The following ROBO2 variants were observed in gnomAD, a reference collection of about 807,000 sequenced individuals.
ROBO2 encodes roundabout homolog 2.
In ROBO2, 53 loss-of-function variants were observed where a neutral mutation model predicts 160.8. That is an observed-to-expected ratio of 0.33 (90% CI 0.26 to 0.41). ROBO2 has a LOEUF of 0.41. Ranked by LOEUF, ROBO2 falls within the 10% of genes least tolerant of loss-of-function variation. The pLI is 1.00. For synonymous variants in ROBO2, 664 were observed against 611.7 expected, an observed-to-expected ratio of 1.09 and a Z score of -1.26; for missense variants, 1,577 against 1,722.4, an observed-to-expected ratio of 0.92 and a Z score of 1.49.
intron 1 of ROBO2, among the ~76,000 whole-genome samples, chr3:77,048,195 A>G (rs997284958): frequency 6.6e-6 from 1 of 152,236 alleles, no homozygotes; most frequent in African/African-American, 2.4e-5. Flanking sequence ...GGACTTTGCT[A>G]TCAGACTAAT....
chr3:76,421,913 T>C (rs1331018574), intron 2 of ROBO2, among the ~76,000 whole-genome samples: 2 of 152,200 alleles, frequency 1.3e-5, no homozygotes, highest in African/African-American at 4.8e-5. Context: ...CTTTTATGCT[T>C]TCTTTTTGTC....
chr3:76,056,506 GAA>G (rs1398791330), intron 2 of ROBO2, among the ~76,000 whole-genome samples: 43 of 149,154 alleles, frequency 2.9e-4, no homozygotes, highest in Admixed American at 7.9e-4. Flanking sequence ...AAATAAAATT[GAA>G]GAAAAAAAAC....
intron 2 of ROBO2, among the ~76,000 whole-genome samples, chr3:77,462,554 T>G (rs983633972): frequency 6.6e-6 from 1 of 152,250 alleles, no homozygotes; most frequent in African/African-American, 2.4e-5. Context: ...ACCATGTTTC[T>G]ATACTCTCTT....
rs183919693 is a variant in ROBO2 at position 76,778,689 on chromosome 3, G to T, written c.110-319325G>T. Among the ~76,000 whole-genome samples the T allele has an allele frequency of 5.3e-5, 8 of 151,004 alleles. No individual in the cohort carries two copies. The East Asian group carries it at 1.6e-3, about 30-fold the overall frequency. ...TTTTCCAAAATATTACAATGTATAG[G>T]CAATCTCTTTTTGCATGGTCTGATA... On this transcript the variant is annotated intron_variant, in intron 2 of 26. Transcript: ENST00000487694.
intron 2 of ROBO2, among the ~76,000 whole-genome samples, chr3:77,136,512 A>G (rs2150390070): frequency 7.4e-6 from 1 of 134,522 alleles, no homozygotes; most frequent in African/African-American, 2.8e-5. Flanking sequence ...TTTTTAAGAA[A>G]TAGGGTTTTG....
chr3:77,467,980 G>T (rs2153577607), intron 2 of ROBO2, among the ~76,000 whole-genome samples: 1 of 152,240 alleles, frequency 6.6e-6, no homozygotes, highest in African/African-American at 2.4e-5. Context: ...AACATGTTTA[G>T]GTTAATACTA....
intron 1 of ROBO2, among the ~76,000 whole-genome samples, chr3:75,914,366 A>G (rs1446764128): frequency 6.6e-6 from 1 of 152,214 alleles, no homozygotes; most frequent in African/African-American, 2.4e-5. Context: ...CAAAGCTGCT[A>G]TAATCATTTT....
intron 2 of ROBO2, among the ~76,000 whole-genome samples, chr3:76,912,525 A>G (rs2076054186): frequency 6.6e-6 from 1 of 152,186 alleles, no homozygotes; most frequent in Non-Finnish European, 1.5e-5. Context: ...TATCAACTTT[A>G]TCAGCATGTA....
At chr3:77,122,828 A>G (rs879695168) in intron 2 of ROBO2, among the ~76,000 whole-genome samples, 3 of 152,206 alleles carry the variant, frequency 2.0e-5, no homozygotes, top group Non-Finnish European at 4.4e-5. Flanking sequence ...TCTCTGATAG[A>G]TTCAAAATTG....
At chr3:77,226,266 T>C (rs1401071935) in intron 2 of ROBO2, among the ~76,000 whole-genome samples, 1 of 151,990 alleles carries the variant, frequency 6.6e-6, no homozygotes, top group East Asian at 1.9e-4. Flanking sequence ...GATGACCCTA[T>C]ATGGACCGTT....
At chr3:76,444,746 C>A (rs1471517656) in intron 2 of ROBO2, among the ~76,000 whole-genome samples, 2 of 152,138 alleles carry the variant, frequency 1.3e-5, no homozygotes, top group Non-Finnish European at 2.9e-5. Flanking sequence ...AATGGGGACA[C>A]AAAGCCTAAC....
intron 2 of ROBO2, among the ~76,000 whole-genome samples, chr3:76,097,367 C>T (rs1424351726): frequency 1.3e-5 from 2 of 152,146 alleles, no homozygotes; most frequent in East Asian, 3.9e-4. Context: ...GGGACTGCAG[C>T]AGGGGCTCCT....
chr3:77,517,350 A>C (rs898598344), intron 5 of ROBO2, among the ~76,000 whole-genome samples: 4 of 151,512 alleles, frequency 2.6e-5, no homozygotes, highest in African/African-American at 9.7e-5. Context: ...GGCTTCTTAC[A>C]TTGAACAAGT....
intron 2 of ROBO2, among the ~76,000 whole-genome samples, chr3:76,468,786 C>T (rs948868119): frequency 1.3e-5 from 2 of 152,022 alleles, no homozygotes; most frequent in Non-Finnish European, 2.9e-5. Flanking sequence ...TTTGTCATTC[C>T]GTGCTGGATT....
chr3:77,354,852 T>G (rs569425215), intron 2 of ROBO2, among the ~76,000 whole-genome samples: 1 of 152,264 alleles, frequency 6.6e-6, no homozygotes, highest in South Asian at 2.1e-4. Context: ...AGTTGAGAAG[T>G]AGACAGGCCA....
chr3:76,985,894 A>T (rs930724046), intron 2 of ROBO2, among the ~76,000 whole-genome samples: 1 of 152,196 alleles, frequency 6.6e-6, no homozygotes, highest in African/African-American at 2.4e-5. Flanking sequence ...CCATGTGGTC[A>T]TTAATTTTGT....
chr3:76,128,402 GA>G (rs1315700719), intron 2 of ROBO2, among the ~76,000 whole-genome samples: 3 of 152,114 alleles, frequency 2.0e-5, no homozygotes, highest in African/African-American at 7.2e-5. Context: ...GTCTTTCGAG[GA>G]GGAGCACATA....
chr3:76,440,592 T>G (rs1577203931), intron 2 of ROBO2, among the ~76,000 whole-genome samples: 1 of 152,110 alleles, frequency 6.6e-6, no homozygotes, highest in Non-Finnish European at 1.5e-5. Context: ...CTCTCATAAG[T>G]CAGGGGAACA....
chr3:76,597,396 CTCT>C (rs897878762), intron 2 of ROBO2, among the ~76,000 whole-genome samples: 2 of 152,008 alleles, frequency 1.3e-5, no homozygotes, highest in East Asian at 3.9e-4. Flanking sequence ...ACCAAAAAAT[CTCT>C]TAAAACTCAA....
Sources: gnomAD v4.1 joint callset for allele counts (sites outside exome capture counted in the v4.1 genomes callset) on GRCh38, gnomAD v4.1.1 for gene constraint, MANE v1.5 for transcripts, NCBI Gene and HGNC (gene_info 2026-07-23, HGNC 2026-07-21) for gene names.